AGBL1: variants seen among roughly 807,000 people sequenced by gnomAD.
AGBL1 encodes AGBL carboxypeptidase 1, also known as cytosolic carboxypeptidase 4.
A neutral mutation model predicts 118.9 loss-of-function variants in AGBL1; 130 were observed. The observed-to-expected ratio is 1.09, with a 90% CI of 0.95 to 1.26. The LOEUF (loss-of-function observed/expected upper bound fraction) is 1.26. Ranked by LOEUF, AGBL1 falls within the 50% of genes most tolerant of loss-of-function variation. The pLI is 0.00. For missense variants in AGBL1, 1,584 were observed against 1,298.1 expected (o/e 1.22, Z -3.38); for synonymous variants, 555 against 478.9 (o/e 1.16, Z -2.08).
intron 21 of AGBL1, among the ~76,000 whole-genome samples, chr15:86,581,530 C>G (rs1400101053): frequency 6.6e-6 from 1 of 152,118 alleles, no homozygotes; most frequent in Non-Finnish European, 1.5e-5. Context: ...TGTTGACTTC[C>G]AAATTGGATC....
At chr15:86,147,814 C>T (rs887404215) in intron 3 of AGBL1, among the ~76,000 whole-genome samples, 2 of 152,196 alleles carry the variant, frequency 1.3e-5, no homozygotes, top group African/African-American at 2.4e-5. Flanking sequence ...CAAGTGTGTC[C>T]CTGACCCCCA....
At chr15:86,221,989 T>C (rs1391862540) in intron 5 of AGBL1, among the ~76,000 whole-genome samples, 1 of 152,206 alleles carries the variant, frequency 6.6e-6, no homozygotes. Flanking sequence ...ACAGTGTGCC[T>C]AGACAGTCTG....
intron 1 of AGBL1, among the ~76,000 whole-genome samples, chr15:86,131,943 G>A (rs7174067): frequency 0.15 from 22,073 of 145,636 alleles, 1,785 homozygotes; most frequent in East Asian, 0.24. Flanking sequence ...GCAAGACCAT[G>A]TCTCGAAAAA....
At chr15:86,339,921 G>A (rs2080435775) in intron 17 of AGBL1, among the ~76,000 whole-genome samples, 1 of 151,730 alleles carries the variant, frequency 6.6e-6, no homozygotes, top group South Asian at 2.1e-4. Context: ...AGCCGGGATT[G>A]TGCCACTGCC....
At chr15:86,656,792 G>C (rs1204582148) in intron 21 of AGBL1, among the ~76,000 whole-genome samples, 1 of 152,010 alleles carries the variant, frequency 6.6e-6, no homozygotes, top group Non-Finnish European at 1.5e-5. Flanking sequence ...AATGTACTCA[G>C]TGGCTCTTTT....
intron 21 of AGBL1, among the ~76,000 whole-genome samples, chr15:86,665,361 C>G (rs56266071): frequency 0.89 from 135,317 of 152,100 alleles, 60,365 homozygotes; most frequent in East Asian, 1. Context: ...AGACTGCAGT[C>G]TATCATTTTG....
At chr15:86,082,098 T>C (rs1467161343) in intron 1 of AGBL1, among the ~76,000 whole-genome samples, 1 of 152,218 alleles carries the variant, frequency 6.6e-6, no homozygotes, top group Non-Finnish European at 1.5e-5. Context: ...TGGCCTGGCC[T>C]GCACCAAGTG....
At chr15:86,482,257 T>C (rs1212447544) in intron 18 of AGBL1, among the ~76,000 whole-genome samples, 3 of 152,136 alleles carry the variant, frequency 2.0e-5, no homozygotes, top group Non-Finnish European at 1.5e-5. Flanking sequence ...TTAATGAATT[T>C]GGGTTAGTAA....
Position 87,002,011 on chromosome 15 carries a change from G to T in AGBL1, c.3323+13923G>T, listed in dbSNP as rs372691167. On this transcript the variant is annotated intron_variant, in intron 24 of 24. Coordinates refer to the AGBL1 transcript ENST00000441037. Reference sequence around the variant, plus strand: ...GATCCCATTTGTCAATTTTGGCTTTGGTTGCCATTGCTTTTGGTGTTTTAG... The same window carrying T: ...GATCCCATTTGTCAATTTTGGCTTTTGTTGCCATTGCTTTTGGTGTTTTAG... Among the ~76,000 whole-genome samples, 511 of 151,954 alleles carry T rather than the reference G, an allele frequency of 3.4e-3. 3 individuals are homozygous for T. The highest frequency in any genetic ancestry group is 6.8e-3 in the Middle Eastern group (2 of 294).
At chr15:86,944,456 T>C (rs1334918633) in intron 23 of AGBL1, among the ~76,000 whole-genome samples, 1 of 152,104 alleles carries the variant, frequency 6.6e-6, no homozygotes, top group African/African-American at 2.4e-5. Flanking sequence ...CATGGCACCA[T>C]TCGGGGAACA....
intron 21 of AGBL1, among the ~76,000 whole-genome samples, chr15:86,621,829 A>G (rs1272881715): frequency 1.3e-5 from 2 of 152,236 alleles, no homozygotes; most frequent in African/African-American, 4.8e-5. Flanking sequence ...GCATCATGGC[A>G]GGCATATAGT....
At chr15:86,212,183 T>C (rs992081276) in intron 5 of AGBL1, among the ~76,000 whole-genome samples, 1 of 152,264 alleles carries the variant, frequency 6.6e-6, no homozygotes, top group Non-Finnish European at 1.5e-5. Flanking sequence ...TATAAATTAC[T>C]GTATAGCAGG....
intron 5 of AGBL1, among the ~76,000 whole-genome samples, chr15:86,217,244 G>A (rs1597571302): frequency 6.6e-6 from 1 of 152,038 alleles, no homozygotes; most frequent in East Asian, 1.9e-4. Context: ...AGAGTCTTTG[G>A]TTTATCAGTT....
Position 86,913,945 on chromosome 15 carries a change from G to C in AGBL1, c.*6651G>C, listed in dbSNP as rs2080385782. 6.6e-6 allele frequency: 1 copy of C among 152,192 alleles called. No homozygotes were observed. The highest frequency in any genetic ancestry group is 2.4e-5 in the African/African-American group (1 of 41,432). 9.4% of individuals were successfully genotyped at this position (152,192 alleles called of 1,614,324 possible). On this transcript the variant is annotated 3_prime_UTR_variant, in exon 23 of 23. Coordinates refer to ENST00000614907, the MANE Select transcript of AGBL1 (RefSeq NM_001386094.1). ...GGGGGGATTTCAATGATCTTTTATA[G>C]TCTCTAGGCTCTTATGGGGTTAAAA...
At chr15:86,163,727 C>CAA (rs112569129) in intron 5 of AGBL1, among the ~76,000 whole-genome samples, 10 of 145,650 alleles carry the variant, frequency 6.9e-5, no homozygotes, top group African/African-American at 2.5e-4. Context: ...GATTCTGTCT[C>CAA]AAAAAAAAAT....
chr15:86,123,009 A>G (rs1178268757), intron 1 of AGBL1, among the ~76,000 whole-genome samples: 2 of 152,186 alleles, frequency 1.3e-5, no homozygotes, highest in Non-Finnish European at 2.9e-5. Context: ...ATTTTACCCC[A>G]AAATATATGT....
intron 23 of AGBL1, among the ~76,000 whole-genome samples, chr15:86,934,755 T>C (rs932031473): frequency 2.0e-5 from 3 of 152,196 alleles, no homozygotes; most frequent in African/African-American, 7.2e-5. Flanking sequence ...AATAGTGTAG[T>C]TATTTATTAT....
At chr15:86,344,472 G>C (rs1218113240) in intron 17 of AGBL1, among the ~76,000 whole-genome samples, 2 of 152,032 alleles carry the variant, frequency 1.3e-5, no homozygotes, top group East Asian at 3.9e-4. Context: ...GTTGTGCAGT[G>C]TACTGGCTGT....
intron 5 of AGBL1, among the ~76,000 whole-genome samples, chr15:86,191,433 G>C (rs1403664046): frequency 2.0e-5 from 3 of 148,496 alleles, no homozygotes; most frequent in Non-Finnish European, 4.4e-5. Flanking sequence ...AATAGAAGCA[G>C]AATAGATACA....
Sources: allele counts gnomAD v4.1 joint callset (sites outside exome capture counted in the v4.1 genomes callset), GRCh38; gene constraint gnomAD v4.1.1; transcripts MANE v1.5; gene names NCBI Gene and HGNC (gene_info 2026-07-23, HGNC 2026-07-21).